Variants in RBPJ observed in about 807,000 individuals in gnomAD.
RBPJ encodes the protein recombining binding protein suppressor of hairless.
A neutral mutation model predicts 67.8 loss-of-function variants in RBPJ; 9 were observed. The ratio of observed to expected loss-of-function variants is 0.13; its 90% CI spans 0.08 to 0.23. RBPJ has a LOEUF of 0.23. Ranked by LOEUF, RBPJ falls within the 10% of genes least tolerant of loss-of-function variation. The probability of loss-of-function intolerance (pLI) is 1.00; values close to 1 mark genes in which losing one functional copy is unlikely to be tolerated. For synonymous variants in RBPJ, 198 were observed against 203.3 expected (o/e 0.97, Z 0.22); for missense variants, 305 against 595.6 (o/e 0.51, Z 5.08).
intron 1 of RBPJ, among the ~76,000 whole-genome samples, chr4:26,280,960 T>C (rs10461084): frequency 0.33 from 49,480 of 152,064 alleles, 9,415 homozygotes; most frequent in Admixed American, 0.43. Context: ...TTCTTATATA[T>C]TGAGTAACCA....
Position 26,231,006 on chromosome 4 carries a change from G to A in RBPJ, c.-167+67392G>A, listed in dbSNP as rs190951454. ...CAGGCTCTCTGACAACATCAAACAA[G>A]GAAACGCATAAGCAGGCTCTATAAA... On this transcript the variant is annotated intron_variant, in intron 1 of 4. Transcript: ENST00000512351. 3.3e-3 allele frequency among the ~76,000 whole-genome samples: 500 copies of A among 152,208 alleles called. 2 individuals are homozygous for A. The highest frequency in any genetic ancestry group is 4.9e-3 in the Non-Finnish European group (331 of 68,014).
chr4:26,123,774 C>T, the RBPJ span, among the ~76,000 whole-genome samples: 11 of 152,182 alleles, frequency 7.2e-5, no homozygotes, highest in East Asian at 1.5e-3. Context: ...TAGCCTGTGC[C>T]TCCACAGGGT....
rs994060191 is a variant in RBPJ at position 26,432,302 on chromosome 4, A to G, written c.*1295A>G. On this transcript the variant is annotated 3_prime_UTR_variant, in exon 11 of 11. Coordinates refer to ENST00000355476, the MANE Select transcript of RBPJ (RefSeq NM_015874.6). Reference sequence around the variant, plus strand: ...TAATCTTAAAACATAAGATGCTTTTATTAGATGATCAACTAAAATAGCTGG... The same window carrying G: ...TAATCTTAAAACATAAGATGCTTTTGTTAGATGATCAACTAAAATAGCTGG... 2 of 152,268 alleles carry G rather than the reference A, an allele frequency of 1.3e-5. No homozygotes were observed. The highest frequency in any genetic ancestry group is 4.8e-5 in the African/African-American group (2 of 41,474). The allele number at this position is 152,268 out of a possible 1,614,324, so 9.4% of individuals were successfully genotyped here.
At chr4:26,211,179 G>A (rs993446240) in intron 1 of RBPJ, among the ~76,000 whole-genome samples, 3 of 152,228 alleles carry the variant, frequency 2.0e-5, no homozygotes, top group Admixed American at 1.3e-4. Flanking sequence ...AGTACCATAT[G>A]CACGTGTATG....
chr4:26,215,391 G>GAGGAAGGA (rs1422482627), intron 1 of RBPJ, among the ~76,000 whole-genome samples: 3 of 31,632 alleles, frequency 9.5e-5, no homozygotes, highest in East Asian at 3.7e-3. Flanking sequence ...GGGAGGGAGA[G>GAGGAAGGA]AGGAAGGAAG....
chr4:26,236,744 C>G (rs1003727225), intron 1 of RBPJ, among the ~76,000 whole-genome samples: 1 of 152,194 alleles, frequency 6.6e-6, no homozygotes, highest in African/African-American at 2.4e-5. Context: ...TGGGACCACA[C>G]AAGGGCCCTT....
intron 1 of RBPJ, among the ~76,000 whole-genome samples, chr4:26,283,071 C>T (rs1721332278): frequency 6.7e-6 from 1 of 149,408 alleles, no homozygotes; most frequent in Non-Finnish European, 1.5e-5. Context: ...GCTGGGATTA[C>T]AGGCACCTGC....
intron 4 of RBPJ, among the ~76,000 whole-genome samples, chr4:26,420,053 A>G (rs866814751): frequency 1.8e-4 from 27 of 152,254 alleles, no homozygotes; most frequent in African/African-American, 6.3e-4. Flanking sequence ...CCTCAATCTT[A>G]TAAGTGATTA....
chr4:26,356,282 A>C (rs982569845), intron 1 of RBPJ, among the ~76,000 whole-genome samples: 1 of 152,230 alleles, frequency 6.6e-6, no homozygotes, highest in Non-Finnish European at 1.5e-5. Context: ...CTGCCAAGAC[A>C]GGCTGCACAT....
intron 1 of RBPJ, among the ~76,000 whole-genome samples, chr4:26,220,193 C>T (rs1302241990): frequency 6.6e-6 from 1 of 152,130 alleles, no homozygotes; most frequent in Non-Finnish European, 1.5e-5. Flanking sequence ...ATAGGCAGGG[C>T]TAGTTAATAT....
At chr4:26,394,640 G>A (rs907660827) in intron 2 of RBPJ, among the ~76,000 whole-genome samples, 4 of 152,180 alleles carry the variant, frequency 2.6e-5, no homozygotes, top group Admixed American at 6.5e-5. Flanking sequence ...AGTGTGTCGA[G>A]TGGAGGTGCC....
chr4:26,352,769 A>G (rs570119034), intron 1 of RBPJ, among the ~76,000 whole-genome samples: 43 of 152,234 alleles, frequency 2.8e-4, no homozygotes, highest in Non-Finnish European at 6.0e-4. Context: ...TGGTAGGACC[A>G]TGGGTACTGA....
chr4:26,346,366 G>A (rs890693652), intron 1 of RBPJ, among the ~76,000 whole-genome samples: 1 of 152,184 alleles, frequency 6.6e-6, no homozygotes, highest in Non-Finnish European at 1.5e-5. Context: ...GATTGGTTGG[G>A]TCAGGTATGA....
At chr4:26,175,742 A>T (rs1716773395) in intron 1 of RBPJ, among the ~76,000 whole-genome samples, 1 of 152,178 alleles carries the variant, frequency 6.6e-6, no homozygotes, top group East Asian at 1.9e-4. Context: ...AAAGGACACT[A>T]TTCTCCATGG....
chr4:26,161,029 G>A (rs191340583), upstream of RBPJ, among the ~76,000 whole-genome samples: 16 of 152,362 alleles, frequency 1.1e-4, no homozygotes, highest in Admixed American at 7.2e-4. Context: ...CTGCCAAGAG[G>A]CAGAGGTTAT....
At chr4:26,410,056 G>A (rs1374652722) in intron 3 of RBPJ, 1 of 455,178 alleles carries the variant, frequency 2.2e-6, no homozygotes, top group South Asian at 1.6e-5. Flanking sequence ...TAGTAGTAAA[G>A]GACTGCTAAT....
At chr4:26,237,777 A>C (rs969872780) in intron 1 of RBPJ, among the ~76,000 whole-genome samples, 17 of 152,158 alleles carry the variant, frequency 1.1e-4, no homozygotes, top group African/African-American at 3.9e-4. Context: ...TAATAAAGAT[A>C]CCTAGCCTGG....
At chr4:26,213,293 G>A (rs1370406801) in intron 1 of RBPJ, among the ~76,000 whole-genome samples, 2 of 152,138 alleles carry the variant, frequency 1.3e-5, no homozygotes, top group African/African-American at 4.8e-5. Context: ...TTGATTGCTT[G>A]CTTGCTGGTG....
intron 1 of RBPJ, among the ~76,000 whole-genome samples, chr4:26,249,225 A>G (rs111235615): frequency 5.2e-4 from 79 of 152,368 alleles, no homozygotes; most frequent in African/African-American, 1.8e-3. Flanking sequence ...TTATTGAATT[A>G]TAACGTGCAT....
Sources: allele counts gnomAD v4.1 joint callset (sites outside exome capture counted in the v4.1 genomes callset), GRCh38; gene constraint gnomAD v4.1.1; transcripts MANE v1.5; gene names NCBI Gene and HGNC (gene_info 2026-07-23, HGNC 2026-07-21).